COMMD10: variants seen among roughly 807,000 people sequenced by gnomAD.
COMMD10 encodes COMM domain containing 10.
A neutral mutation model predicts 28.9 loss-of-function variants in COMMD10; 33 were observed. The observed-to-expected ratio is 1.14, with a 90% CI of 0.87 to 1.53. The LOEUF is 1.53. COMMD10 is among the 40% of genes most tolerant of loss of function. COMMD10 has a pLI of 0.00. For missense variants in COMMD10, 310 were observed against 233.4 expected, an observed-to-expected ratio of 1.33 and a Z score of -2.14; for synonymous variants, 110 against 81.7, an observed-to-expected ratio of 1.35 and a Z score of -1.87.
chr5:116,118,347 T>C (rs1751310405), intron 4 of COMMD10, among the ~76,000 whole-genome samples: 1 of 152,224 alleles, frequency 6.6e-6, no homozygotes, highest in Non-Finnish European at 1.5e-5. Flanking sequence ...ATGGCAATAA[T>C]TTTTGTCTGT....
At chr5:116,137,450 T>C (rs759880733) in intron 5 of COMMD10, among the ~76,000 whole-genome samples, 29 of 152,040 alleles carry the variant, frequency 1.9e-4, no homozygotes, top group South Asian at 4.1e-4. Context: ...ATGAAGTTGG[T>C]GTTGGTTTAA....
chr5:116,213,628 A>T (rs192914001), intron 5 of COMMD10, among the ~76,000 whole-genome samples: 1 of 152,250 alleles, frequency 6.6e-6, no homozygotes, highest in Admixed American at 6.5e-5. Flanking sequence ...CCTGTTCAGA[A>T]GTCTTTTACA....
chr5:116,202,529 A>C (rs1187140997), intron 5 of COMMD10, among the ~76,000 whole-genome samples: 1 of 150,918 alleles, frequency 6.6e-6, no homozygotes, highest in Non-Finnish European at 1.5e-5. Flanking sequence ...CTATTTCTCC[A>C]CATCCTCTCC....
chr5:116,112,608 A>G (rs992111273), intron 4 of COMMD10, among the ~76,000 whole-genome samples: 6 of 152,086 alleles, frequency 3.9e-5, no homozygotes, highest in Non-Finnish European at 7.4e-5. Context: ...TGTTGACAGA[A>G]TGTTCTCTAT....
At chr5:116,290,576 G>A (rs1044949548) in intron 5 of COMMD10, among the ~76,000 whole-genome samples, 4 of 151,766 alleles carry the variant, frequency 2.6e-5, no homozygotes, top group Non-Finnish European at 4.4e-5. Flanking sequence ...TAGAAACTGC[G>A]AACTAGAATA....
chr5:116,263,329 C>T (rs2112688040), intron 5 of COMMD10, among the ~76,000 whole-genome samples: 1 of 151,828 alleles, frequency 6.6e-6, no homozygotes, highest in Non-Finnish European at 1.5e-5. Context: ...TTATTTGACC[C>T]TATGTATCAT....
chr5:116,148,587 G>A (rs548672146), intron 5 of COMMD10, among the ~76,000 whole-genome samples: 1 of 151,898 alleles, frequency 6.6e-6, no homozygotes, highest in African/African-American at 2.4e-5. Flanking sequence ...ATCAGCAAAG[G>A]CTGGTGGAAT....
At chr5:116,126,479 C>T (rs1751644721) in intron 4 of COMMD10, among the ~76,000 whole-genome samples, 1 of 152,014 alleles carries the variant, frequency 6.6e-6, no homozygotes, top group Non-Finnish European at 1.5e-5. Flanking sequence ...CAATCCTAAG[C>T]AAAAAGAACA....
intron 5 of COMMD10, among the ~76,000 whole-genome samples, chr5:116,206,056 G>A (rs943654747): frequency 1.3e-5 from 2 of 152,056 alleles, no homozygotes; most frequent in African/African-American, 2.4e-5. Flanking sequence ...TCTGAAAATT[G>A]TTTTCTGAAA....
chr5:116,157,939 C>T (rs1354369253), intron 5 of COMMD10, among the ~76,000 whole-genome samples: 6 of 138,098 alleles, frequency 4.3e-5, no homozygotes, highest in African/African-American at 1.3e-4. Context: ...CTTTCCTTTA[C>T]TTTTTTTTTT....
At chr5:116,236,458 C>G (rs1399835460) in intron 5 of COMMD10, among the ~76,000 whole-genome samples, 9 of 138,724 alleles carry the variant, frequency 6.5e-5, no homozygotes, top group Non-Finnish European at 1.1e-4. Flanking sequence ...GTGCCGAGAT[C>G]ACACTACTGC....
intron 4 of COMMD10, among the ~76,000 whole-genome samples, chr5:116,111,258 C>G (rs767460937): frequency 2.6e-5 from 4 of 151,602 alleles, no homozygotes; most frequent in Non-Finnish European, 4.4e-5. Flanking sequence ...TTTTTGGTCT[C>G]TGTTTTATTT....
chr5:116,251,834 G>C lies in COMMD10; in HGVS notation c.511-39683G>C, dbSNP rs540940470. ...AGTAATGGGATGGCTGGATCACATG[G>C]TATTTCTAGTTCTAGATCCCTGAGG... On this transcript the variant is annotated intron_variant, in intron 5 of 6. Transcript: ENST00000274458. 2.8e-4 allele frequency among the ~76,000 whole-genome samples: 43 copies of C among 152,222 alleles called. No individual in the cohort carries two copies. The South Asian group carries it at 8.7e-3, about 31-fold the overall frequency.
intron 5 of COMMD10, among the ~76,000 whole-genome samples, chr5:116,257,624 A>G (rs958558752): frequency 4.0e-5 from 6 of 151,634 alleles, no homozygotes; most frequent in African/African-American, 1.5e-4. Context: ...CCTTTACCTG[A>G]AATCATGGTA....
intron 5 of COMMD10, among the ~76,000 whole-genome samples, chr5:116,223,217 G>C (rs1749309566): frequency 6.6e-6 from 1 of 151,692 alleles, no homozygotes; most frequent in East Asian, 1.9e-4. Flanking sequence ...AAAAAAAGGA[G>C]ATAGGATAAA....
intron 5 of COMMD10, among the ~76,000 whole-genome samples, chr5:116,240,907 A>G (rs1245652082): frequency 6.6e-6 from 1 of 152,194 alleles, no homozygotes; most frequent in African/African-American, 2.4e-5. Context: ...ATAAAGAAAA[A>G]TTATTCCAGG....
chr5:116,130,953 T>C (rs1008734422), intron 4 of COMMD10, among the ~76,000 whole-genome samples: 5 of 152,016 alleles, frequency 3.3e-5, no homozygotes, highest in East Asian at 3.8e-4. Flanking sequence ...TGTGATGATA[T>C]ATATTTTGAG....
intron 5 of COMMD10, among the ~76,000 whole-genome samples, chr5:116,184,516 A>G (rs1266348842): frequency 2.0e-5 from 3 of 152,024 alleles, no homozygotes; most frequent in African/African-American, 4.8e-5. Context: ...CTGGGTTGAT[A>G]ATATTGGTTA....
intron 1 of COMMD10, 163 bp downstream of exon 1, chr5:116,085,256 G>A (rs1750052876): frequency 1.5e-6 from 1 of 676,404 alleles, no homozygotes; most frequent in South Asian, 1.8e-5. Flanking sequence ...CGTCTGCGGA[G>A]TGCGTGGGGC....
Sources: gnomAD v4.1 joint callset for allele counts (sites outside exome capture counted in the v4.1 genomes callset) on GRCh38, gnomAD v4.1.1 for gene constraint, MANE v1.5 for transcripts, NCBI Gene and HGNC (gene_info 2026-07-23, HGNC 2026-07-21) for gene names.